The following PRKCA variants were observed in gnomAD, a reference collection of about 807,000 sequenced individuals.
PRKCA encodes the protein protein kinase C alpha.
Under a neutral mutation model 87.0 loss-of-function variants are expected in PRKCA, and 27 were observed. That is an observed-to-expected ratio of 0.31 (90% CI 0.23 to 0.43). PRKCA has a LOEUF of 0.43. PRKCA is among the 20% of genes least tolerant of loss of function. The pLI is 1.00. For synonymous variants in PRKCA, 329 were observed against 311.1 expected, an observed-to-expected ratio of 1.06 and a Z score of -0.61; for missense variants, 518 against 852.3, an observed-to-expected ratio of 0.61 and a Z score of 4.88.
At chr17:66,768,477 C>T (rs916341440) in intron 13 of PRKCA, among the ~76,000 whole-genome samples, 6 of 152,100 alleles carry the variant, frequency 3.9e-5, no homozygotes, top group African/African-American at 1.4e-4. Context: ...GAAATTATCC[C>T]CCCACTGCAA....
intron 2 of PRKCA, among the ~76,000 whole-genome samples, chr17:66,446,437 T>G (rs947801287): frequency 6.6e-6 from 1 of 152,190 alleles, no homozygotes; most frequent in African/African-American, 2.4e-5. Flanking sequence ...TCAAGAAATA[T>G]GCCAGGCATT....
chr17:66,610,855 G>A (rs1970341549), intron 3 of PRKCA, among the ~76,000 whole-genome samples: 1 of 152,136 alleles, frequency 6.6e-6, no homozygotes, highest in Non-Finnish European at 1.5e-5. Flanking sequence ...GGGTGGGAAA[G>A]GAGAGACTGT....
chr17:66,702,948 CAATAT>C (rs1973098779), intron 8 of PRKCA, among the ~76,000 whole-genome samples: 4 of 151,880 alleles, frequency 2.6e-5, no homozygotes, highest in Admixed American at 2.6e-4. Context: ...AGTAAAAATA[CAATAT>C]AAAAGAAAAA....
intron 5 of PRKCA, among the ~76,000 whole-genome samples, chr17:66,674,801 A>G (rs1413293417): frequency 6.6e-6 from 1 of 152,236 alleles, no homozygotes; most frequent in Non-Finnish European, 1.5e-5. Flanking sequence ...CCAGTGAATC[A>G]GTCTGATGAG....
At chr17:66,440,649 G>T (rs1273169754) in intron 2 of PRKCA, among the ~76,000 whole-genome samples, 3 of 152,064 alleles carry the variant, frequency 2.0e-5, no homozygotes, top group African/African-American at 7.2e-5. Context: ...GGTGGTCAAG[G>T]GGGCTTTTTT....
At chr17:66,512,100 T>A (rs879572135) in intron 3 of PRKCA, among the ~76,000 whole-genome samples, 23 of 152,134 alleles carry the variant, frequency 1.5e-4, no homozygotes, top group Non-Finnish European at 3.1e-4. Flanking sequence ...CTGGTTTCCA[T>A]TCCCATCCCC....
intron 2 of PRKCA, among the ~76,000 whole-genome samples, chr17:66,481,243 G>A (rs1338005668): frequency 6.6e-6 from 1 of 152,046 alleles, no homozygotes; most frequent in Non-Finnish European, 1.5e-5. Context: ...GCTCCAGGGG[G>A]GCCCCTGAGC....
intron 8 of PRKCA, among the ~76,000 whole-genome samples, chr17:66,698,821 A>C (rs1287774623): frequency 1.8e-5 from 2 of 111,174 alleles, no homozygotes; most frequent in South Asian, 7.0e-4. Context: ...TAAAAATACA[A>C]AAAAAAAAAA....
intron 2 of PRKCA, among the ~76,000 whole-genome samples, chr17:66,420,391 A>G (rs1045382880): frequency 6.6e-6 from 1 of 152,198 alleles, no homozygotes; most frequent in African/African-American, 2.4e-5. Flanking sequence ...GATGGTCCCA[A>G]CTTAGCATGG....
intron 2 of PRKCA, among the ~76,000 whole-genome samples, chr17:66,314,578 C>A (rs1436909710): frequency 6.6e-6 from 1 of 152,124 alleles, no homozygotes; most frequent in African/African-American, 2.4e-5. Flanking sequence ...TTGCTGTTCC[C>A]CCTCCAGTAT....
chr17:66,713,689 C>T (rs2144134616), intron 8 of PRKCA, among the ~76,000 whole-genome samples: 1 of 152,312 alleles, frequency 6.6e-6, no homozygotes, highest in Admixed American at 6.5e-5. Flanking sequence ...CGTGCCACCG[C>T]TCGCTCACAC....
At chr17:66,431,897 C>T (rs1385702887) in intron 2 of PRKCA, among the ~76,000 whole-genome samples, 1 of 152,156 alleles carries the variant, frequency 6.6e-6, no homozygotes, top group African/African-American at 2.4e-5. Context: ...ACCTGAGGAC[C>T]CGTCCCATGG....
intron 8 of PRKCA, among the ~76,000 whole-genome samples, chr17:66,721,580 G>A (rs963498603): frequency 1.3e-5 from 2 of 151,960 alleles, no homozygotes; most frequent in African/African-American, 2.4e-5. Context: ...TAGACCATAC[G>A]GGGTAACCAC....
chr17:66,522,809 T>TA (rs1229424235), intron 3 of PRKCA, among the ~76,000 whole-genome samples: 1,263 of 126,290 alleles, frequency 0.01, 34 homozygotes, highest in Admixed American at 0.063. Flanking sequence ...GGTCGCTCAC[T>TA]AAAAAAAAAA....
intron 3 of PRKCA, among the ~76,000 whole-genome samples, chr17:66,519,467 A>G (rs1967083441): frequency 6.6e-6 from 1 of 152,136 alleles, no homozygotes; most frequent in Non-Finnish European, 1.5e-5. Flanking sequence ...TGGAAGGTAT[A>G]GTGGACTCTT....
intron 2 of PRKCA, among the ~76,000 whole-genome samples, chr17:66,484,545 CTT>C (rs1050605282): frequency 1.3e-5 from 2 of 152,156 alleles, no homozygotes; most frequent in Non-Finnish European, 2.9e-5. Flanking sequence ...CTGACCAGCT[CTT>C]TGTCCATACT....
chr17:66,430,166 G>T (rs1304365999), intron 2 of PRKCA, among the ~76,000 whole-genome samples: 1 of 152,006 alleles, frequency 6.6e-6, no homozygotes, highest in Non-Finnish European at 1.5e-5. Flanking sequence ...TTCCATCAAG[G>T]TTCCTCTTCA....
At chr17:66,740,143 A>G (rs1974125351) in intron 11 of PRKCA, among the ~76,000 whole-genome samples, 1 of 67,194 alleles carries the variant, frequency 1.5e-5, no homozygotes, top group Non-Finnish European at 3.0e-5. Flanking sequence ...ACCAAGGAGG[A>G]GGTGGTTTGA....
intron 5 of PRKCA, among the ~76,000 whole-genome samples, chr17:66,667,299 C>G (rs2143932310): frequency 6.6e-6 from 1 of 152,316 alleles, no homozygotes; most frequent in African/African-American, 2.4e-5. Flanking sequence ...CATATGTATT[C>G]ATCCGTTCTT....
Sources: gnomAD v4.1 joint callset for allele counts (sites outside exome capture counted in the v4.1 genomes callset) on GRCh38, gnomAD v4.1.1 for gene constraint, MANE v1.5 for transcripts, NCBI Gene and HGNC (gene_info 2026-07-23, HGNC 2026-07-21) for gene names.